NDUFS2: variants seen among roughly 807,000 people sequenced by gnomAD.
The protein encoded by NDUFS2 is NADH:ubiquinone oxidoreductase core subunit S2.
In NDUFS2, 38 loss-of-function variants were observed where a neutral mutation model predicts 69.6. The ratio of observed to expected loss-of-function variants is 0.55; its 90% CI spans 0.42 to 0.72. The LOEUF (loss-of-function observed/expected upper bound fraction) is 0.72, where lower values mean the gene tolerates loss of function less well. NDUFS2 is among the 30% of genes least tolerant of loss of function. The probability of loss-of-function intolerance (pLI) is 0.00; values close to 1 mark genes in which losing one functional copy is unlikely to be tolerated. For missense variants in NDUFS2, 468 were observed against 595.0 expected, an observed-to-expected ratio of 0.79 and a Z score of 2.22; for synonymous variants, 194 against 211.2, an observed-to-expected ratio of 0.92 and a Z score of 0.70.
rs139151813 is a variant in NDUFS2, at chr1:161,209,103, T to C, written c.394-90T>C. 3.4e-4 allele frequency: 543 copies of C among 1,574,232 alleles called. 7 individuals carry two copies. In the East Asian group the frequency reaches 0.012, roughly 33 times the overall value. ...TAGAAAGGCTTATACAGCACCAACT[T>C]CTGGTGCCGACTGAGAGCAAGGCTT... On this transcript the variant is annotated intron_variant, in intron 3 of 13. Coordinates refer to ENST00000676972, the MANE Select transcript of NDUFS2 (RefSeq NM_001377299.1).
intron 6 of NDUFS2, 54 bp downstream of exon 6, chr1:161,209,985 GGC>G: frequency 6.2e-7 from 1 of 1,606,950 alleles, no homozygotes. Flanking sequence ...TTTTCCCTGT[GGC>G]CACTGGAGGG....
chr1:161,199,977 C>T (rs1008289366), upstream of NDUFS2, among the ~76,000 whole-genome samples: 2 of 151,828 alleles, frequency 1.3e-5, no homozygotes, highest in Non-Finnish European at 2.9e-5. Context: ...TCCCAACTGC[C>T]CTAAACCCTC....
upstream of NDUFS2, among the ~76,000 whole-genome samples, chr1:161,199,925 C>T (rs1178829003): frequency 6.6e-6 from 1 of 151,276 alleles, no homozygotes; most frequent in Non-Finnish European, 1.5e-5. Flanking sequence ...TGGCCCAGCT[C>T]CCAGTAGCTT....
In NDUFS2 at chr1:161,206,618, C is replaced by T. The variant is rs773809437; in HGVS notation, c.393+21C>T. The T allele has an allele frequency of 5.0e-6, 8 of 1,611,140 alleles. No homozygotes were observed. The East Asian group carries it at 1.6e-4, about 31-fold the overall frequency. On this transcript the variant is annotated intron_variant, in intron 3 of 13. Transcript: ENST00000676972. ...TTCAGGTGTGGGGGGTGAACAGGAGCCTTTTGGCGGGATCTGGGGTTGCTT... is the reference window on the plus strand; with the variant it reads ...TTCAGGTGTGGGGGGTGAACAGGAGTCTTTTGGCGGGATCTGGGGTTGCTT...
At chr1:161,203,688 T>A in intron 2 of NDUFS2, 145 bp downstream of exon 2, 1 of 732,380 alleles carries the variant, frequency 1.4e-6, no homozygotes, top group Non-Finnish European at 2.4e-6. Context: ...CTTGAACTTC[T>A]GGGCTCAAGG....
intron 9 of NDUFS2, among the ~76,000 whole-genome samples, chr1:161,211,783 TTTTG>T (rs780595726): frequency 2.6e-5 from 4 of 152,236 alleles, no homozygotes; most frequent in Non-Finnish European, 4.4e-5. Context: ...CTGCTGTTAT[TTTTG>T]TTTGTCCATT....
intron 10 of NDUFS2, among the ~76,000 whole-genome samples, chr1:161,212,929 G>A (rs548172428): frequency 4.0e-5 from 6 of 150,886 alleles, no homozygotes; most frequent in Admixed American, 3.3e-4. Flanking sequence ...TTTTTGAGAC[G>A]GTGTCACGCT....
rs1177430580 is a variant in NDUFS2, at chr1:161,214,297, G to GTT, written c.*105_*106insTT. On this transcript the variant is annotated 3_prime_UTR_variant, in exon 14 of 14. Coordinates refer to ENST00000676972, the MANE Select transcript of NDUFS2 (RefSeq NM_001377299.1). ...TGTGTGTGTGTGTGTGTGTGTGTGT[G>GTT]TGTATGTTCATGTACACTTGGCTGT... 4 of 1,090,584 alleles carry GTT rather than the reference G, an allele frequency of 3.7e-6. No homozygotes were observed. The African/African-American group carries it at 4.6e-5, about 13-fold the overall frequency. 67.6% of individuals were successfully genotyped at this position (1,090,584 alleles called of 1,614,324 possible).
At chr1:161,202,340 T>G, upstream of NDUFS2, 2 of 1,566,776 alleles carry the variant, frequency 1.3e-6, no homozygotes, top group Non-Finnish European at 1.7e-6. Flanking sequence ...CGCGCTGGAG[T>G]TACTTCCGCC....
Position 161,214,225 on chromosome 1 carries a change from A to G in NDUFS2, c.*32A>G, listed in dbSNP as rs1024688302. On this transcript the variant is annotated 3_prime_UTR_variant, in exon 14 of 14. Coordinates refer to ENST00000676972, the MANE Select transcript of NDUFS2 (RefSeq NM_001377299.1). ...GAGCAGCGTTTGATCCCCCCTGCCTATCAGCTTCTTCTGTGGAGCCTGTTC... is the reference window on the plus strand; with the variant it reads ...GAGCAGCGTTTGATCCCCCCTGCCTGTCAGCTTCTTCTGTGGAGCCTGTTC... 5 of 1,589,506 alleles carry G rather than the reference A, an allele frequency of 3.1e-6. No individual in the cohort carries two copies. The highest frequency in any genetic ancestry group is 1.7e-4 in the Middle Eastern group (1 of 6,004).
chr1:161,198,225 C>A, upstream of NDUFS2: 1 of 1,614,144 alleles, frequency 6.2e-7, no homozygotes, highest in South Asian at 1.1e-5. This position sits in a 1 kb window ranked among gnomAD's most constrained non-coding sequence, Gnocchi z 4.7. Context: ...GACTCCGGAT[C>A]TCCATTGATG....
chr1:161,208,230 T>C (rs950139328), intron 3 of NDUFS2, among the ~76,000 whole-genome samples: 3 of 151,478 alleles, frequency 2.0e-5, no homozygotes, highest in Non-Finnish European at 2.9e-5. Flanking sequence ...TGAGCCACCC[T>C]GACTTGGCCT....
At chr1:161,205,794 T>C (rs1237492727) in intron 2 of NDUFS2, among the ~76,000 whole-genome samples, 2 of 151,912 alleles carry the variant, frequency 1.3e-5, no homozygotes, top group African/African-American at 2.4e-5. Context: ...GTAATCTTCT[T>C]GAGGGTAAAA....
intron 10 of NDUFS2, among the ~76,000 whole-genome samples, chr1:161,212,897 G>C (rs893801033): frequency 6.6e-6 from 1 of 151,782 alleles, no homozygotes; most frequent in Admixed American, 6.6e-5. Context: ...AAGAGATTCG[G>C]GTTTTTTTTA....
At chr1:161,211,810 A>G (rs1222549008) in intron 9 of NDUFS2, among the ~76,000 whole-genome samples, 1 of 152,096 alleles carries the variant, frequency 6.6e-6, no homozygotes, top group African/African-American at 2.4e-5. Flanking sequence ...ACTCTCACCC[A>G]TCCTGTGGTC....
upstream of NDUFS2, among the ~76,000 whole-genome samples, chr1:161,201,518 G>T (rs1295920723): frequency 6.6e-6 from 1 of 152,218 alleles, no homozygotes; most frequent in Admixed American, 6.5e-5. Context: ...ACAGAATTGT[G>T]ATCAGACTCC....
rs1665945309 is a variant in NDUFS2, at chr1:161,214,385, C to G, written c.*192C>G. Reference sequence around the variant, plus strand: ...TAATAAATTAGCCGTCTTGCGGCCCCTAGGCCTAAACTTCTGGTATCTTAG... The same window carrying G: ...TAATAAATTAGCCGTCTTGCGGCCCGTAGGCCTAAACTTCTGGTATCTTAG... On this transcript the variant is annotated 3_prime_UTR_variant, in exon 14 of 14. Transcript: ENST00000676972. The G allele has an allele frequency of 4.7e-6, 3 of 641,056 alleles. No individual in the cohort carries two copies. Among genetic ancestry groups the G allele is most frequent in the Non-Finnish European group, 8.2e-6 (3 of 363,832 alleles). The allele number at this position is 641,056 out of a possible 1,614,324, so 39.7% of individuals were successfully genotyped here. A position where few individuals can be genotyped will look rare whatever the true frequency, so the allele number is the denominator to read the frequency against.
intron 10 of NDUFS2, 175 bp from the exon 11 acceptor site, chr1:161,213,205 A>G (rs187205625): frequency 3.9e-5 from 24 of 619,254 alleles, no homozygotes; most frequent in Non-Finnish European, 6.2e-5. Context: ...ACCCGGCCAT[A>G]TAAGAGATTC....
chr1:161,212,170 G>GA (rs79986323), intron 9 of NDUFS2, among the ~76,000 whole-genome samples, 181 bp from the exon 10 acceptor site: 515 of 136,972 alleles, frequency 3.8e-3, no homozygotes, highest in African/African-American at 8.2e-3. Context: ...CCCTGTTTCA[G>GA]AAAAAAAAAA....
Sources: gnomAD v4.1 joint callset for allele counts (sites outside exome capture counted in the v4.1 genomes callset) on GRCh38, gnomAD v4.1.1 for gene constraint, Gnocchi (gnomAD v3.1) non-coding constraint, MANE v1.5 for transcripts, NCBI Gene and HGNC (gene_info 2026-07-23, HGNC 2026-07-21) for gene names.